EXOC6B: variants seen among roughly 807,000 people sequenced by gnomAD.
EXOC6B encodes the protein exocyst complex component 6B, also known as SEC15 homolog B.
A neutral mutation model predicts 113.5 loss-of-function variants in EXOC6B; 54 were observed. The ratio of observed to expected loss-of-function variants is 0.48; its 90% CI spans 0.38 to 0.60. The LOEUF (loss-of-function observed/expected upper bound fraction) is 0.60. Ranked by LOEUF, EXOC6B falls within the 20% of genes least tolerant of loss-of-function variation. The pLI, the probability that EXOC6B is intolerant of heterozygous loss-of-function variation, is 0.00. For missense variants in EXOC6B, 797 were observed against 977.5 expected (o/e 0.82, Z 2.46); for synonymous variants, 357 against 339.0 (o/e 1.05, Z -0.58).
intron 20 of EXOC6B, among the ~76,000 whole-genome samples, chr2:72,307,295 A>G (rs896646511): frequency 1.3e-4 from 19 of 151,438 alleles, no homozygotes; most frequent in Admixed American, 7.2e-4. Flanking sequence ...GTGCACTACC[A>G]CGTCCGGCTA....
At chr2:72,472,698 G>T (rs1698484841) in intron 17 of EXOC6B, among the ~76,000 whole-genome samples, 1 of 151,922 alleles carries the variant, frequency 6.6e-6, no homozygotes, top group Non-Finnish European at 1.5e-5. Flanking sequence ...GTTCTACTAT[G>T]ATCTGCATTA....
intron 7 of EXOC6B, among the ~76,000 whole-genome samples, chr2:72,566,687 G>A (rs1704196717): frequency 6.6e-6 from 1 of 151,950 alleles, no homozygotes; most frequent in Admixed American, 6.6e-5. Context: ...ACAGTACATG[G>A]TAATGTCAGT....
chr2:72,482,694 A>T (rs1558715766), intron 16 of EXOC6B, among the ~76,000 whole-genome samples: 1 of 152,170 alleles, frequency 6.6e-6, no homozygotes, highest in African/African-American at 2.4e-5. Context: ...ATACATTCTC[A>T]CTTCTTCTAC....
chr2:72,403,184 T>G (rs1342977470), intron 18 of EXOC6B, among the ~76,000 whole-genome samples: 2 of 152,236 alleles, frequency 1.3e-5, no homozygotes, highest in Non-Finnish European at 2.9e-5. Flanking sequence ...CAAGCTTTTC[T>G]TCTTGGGGTT....
chr2:72,340,976 G>A (rs1018734477), intron 19 of EXOC6B, among the ~76,000 whole-genome samples: 2 of 152,064 alleles, frequency 1.3e-5, no homozygotes, highest in South Asian at 2.1e-4. Flanking sequence ...AAGTAAGAAC[G>A]AAGGGAGAAC....
intron 18 of EXOC6B, among the ~76,000 whole-genome samples, chr2:72,417,252 G>GGC (rs1302567158): frequency 1.3e-5 from 2 of 152,144 alleles, no homozygotes; most frequent in Non-Finnish European, 2.9e-5. Flanking sequence ...GGAGTGCAAT[G>GGC]GCGCGACCTC....
At chr2:72,288,020 A>G (rs1685552702) in intron 20 of EXOC6B, among the ~76,000 whole-genome samples, 2 of 152,174 alleles carry the variant, frequency 1.3e-5, no homozygotes, top group African/African-American at 4.8e-5. Context: ...AAATTTGGCA[A>G]GGGACATGAA....
At chr2:72,530,179 T>C (rs1345097697) in intron 8 of EXOC6B, among the ~76,000 whole-genome samples, 3 of 152,174 alleles carry the variant, frequency 2.0e-5, no homozygotes, top group Non-Finnish European at 4.4e-5. Flanking sequence ...CTTGGGATTA[T>C]TTTGCCTTTC....
At chr2:72,393,893 T>C (rs889593683) in intron 18 of EXOC6B, among the ~76,000 whole-genome samples, 1 of 152,050 alleles carries the variant, frequency 6.6e-6, no homozygotes, top group African/African-American at 2.4e-5. Flanking sequence ...CTAATAATAG[T>C]GTCAGAGCAA....
intron 18 of EXOC6B, among the ~76,000 whole-genome samples, chr2:72,457,200 A>AGTACTGACAGTTT (rs1269723890): frequency 1.3e-5 from 2 of 152,128 alleles, no homozygotes; most frequent in East Asian, 3.8e-4. Flanking sequence ...ACTTAATGGG[A>AGTACTGACAGTTT]GTACTGACAG....
chr2:72,509,651 A>G (rs1700790576), intron 11 of EXOC6B, among the ~76,000 whole-genome samples: 1 of 152,096 alleles, frequency 6.6e-6, no homozygotes, highest in East Asian at 1.9e-4. Flanking sequence ...ACATATTGTC[A>G]GATGAGGTTA....
intron 19 of EXOC6B, among the ~76,000 whole-genome samples, chr2:72,373,445 G>A (rs1558603440): frequency 6.6e-6 from 1 of 152,118 alleles, no homozygotes; most frequent in Non-Finnish European, 1.5e-5. Context: ...AAAAGTTTAT[G>A]CACAGCAAAG....
Position 72,244,644 on chromosome 2 carries a change from C to G in EXOC6B, c.2197-60457G>C, listed in dbSNP as rs780734572. Among the ~76,000 whole-genome samples the G allele has an allele frequency of 1.3e-4, 20 of 151,914 alleles. 1 individual carries two copies. The highest frequency in any genetic ancestry group is 2.9e-4 in the Non-Finnish European group (20 of 67,972). The stretch of plus-strand genomic sequence containing the variant: ...TAAAAATTTCAATAGAAATGATAAA[C>G]TTCTAGCCAGGCTATCTAAGAAGAA... On this transcript the variant is annotated intron_variant, in intron 20 of 21. Coordinates refer to ENST00000272427, the MANE Select transcript of EXOC6B (RefSeq NM_015189.3).
At chr2:72,434,275 GC>G (rs1192845182) in intron 18 of EXOC6B, among the ~76,000 whole-genome samples, 2 of 152,154 alleles carry the variant, frequency 1.3e-5, no homozygotes, top group Non-Finnish European at 2.9e-5. Context: ...TGGTGGATAA[GC>G]TTTTTGATGG....
At chr2:72,686,788 T>C (rs976779503) in intron 6 of EXOC6B, among the ~76,000 whole-genome samples, 1 of 152,164 alleles carries the variant, frequency 6.6e-6, no homozygotes, top group African/African-American at 2.4e-5. Context: ...TTCCAAATGA[T>C]ATTCAATATG....
chr2:72,214,242 C>T (rs955706186), intron 20 of EXOC6B, among the ~76,000 whole-genome samples: 2 of 152,180 alleles, frequency 1.3e-5, no homozygotes, highest in African/African-American at 4.8e-5. Flanking sequence ...AATCCCAGCA[C>T]TTTGGGAAGC....
At chr2:72,198,973 A>G (rs1480290384) in intron 20 of EXOC6B, among the ~76,000 whole-genome samples, 1 of 152,166 alleles carries the variant, frequency 6.6e-6, no homozygotes, top group East Asian at 1.9e-4. Flanking sequence ...CCTAGCCTTT[A>G]TTCATGTTTA....
intron 11 of EXOC6B, among the ~76,000 whole-genome samples, chr2:72,510,900 G>T (rs956360971): frequency 6.6e-6 from 1 of 151,940 alleles, no homozygotes; most frequent in African/African-American, 2.4e-5. Flanking sequence ...ACAGGTGGTT[G>T]TAAACATATA....
At chr2:72,248,381 C>G (rs1164158272) in intron 20 of EXOC6B, among the ~76,000 whole-genome samples, 2 of 152,086 alleles carry the variant, frequency 1.3e-5, no homozygotes, top group Non-Finnish European at 1.5e-5. Context: ...ATGGTTTTAT[C>G]TGGATTCGTA....
Sources: gnomAD v4.1 joint callset for allele counts (sites outside exome capture counted in the v4.1 genomes callset) on GRCh38, gnomAD v4.1.1 for gene constraint, MANE v1.5 for transcripts, NCBI Gene and HGNC (gene_info 2026-07-23, HGNC 2026-07-21) for gene names.